ELMOD2: variants seen among roughly 807,000 people sequenced by gnomAD.
ELMOD2 encodes the protein ELMO domain containing 2, also known as ELMO domain-containing protein 2.
Under a neutral mutation model 41.0 loss-of-function variants are expected in ELMOD2, and 28 were observed. The ratio of observed to expected loss-of-function variants is 0.68; its 90% CI spans 0.51 to 0.94. The LOEUF (loss-of-function observed/expected upper bound fraction) is 0.94, where lower values mean the gene tolerates loss of function less well. ELMOD2 is among the 40% of genes least tolerant of loss of function. ELMOD2 has a pLI of 0.00. For missense variants in ELMOD2, 333 were observed against 343.1 expected, an observed-to-expected ratio of 0.97 and a Z score of 0.23; for synonymous variants, 106 against 107.2, an observed-to-expected ratio of 0.99 and a Z score of 0.07.
At chr4:140,541,327 G>T (rs535491835) in intron 6 of ELMOD2, among the ~76,000 whole-genome samples, 16 of 152,088 alleles carry the variant, frequency 1.1e-4, no homozygotes, top group Non-Finnish European at 1.6e-4. Flanking sequence ...AATATTGATG[G>T]TTTTTTTAAT....
intron 2 of ELMOD2, 141 bp from the exon 3 acceptor site, chr4:140,527,325 T>A: frequency 2.8e-6 from 2 of 724,918 alleles, no homozygotes; most frequent in South Asian, 3.4e-5. Flanking sequence ...AATTTTAAAA[T>A]GCTTCCTGTT....
intron 3 of ELMOD2, among the ~76,000 whole-genome samples, chr4:140,532,831 A>G (rs138348095): frequency 1.8e-3 from 270 of 152,370 alleles, no homozygotes; most frequent in African/African-American, 6.1e-3. Context: ...AATAAATTAT[A>G]TTAACAGATG....
intron 3 of ELMOD2, among the ~76,000 whole-genome samples, chr4:140,529,050 A>G (rs1183888588): frequency 6.6e-6 from 1 of 152,350 alleles, no homozygotes; most frequent in East Asian, 1.9e-4. Context: ...TTACAAGAGT[A>G]GTCCTTAAAC....
rs187979465 is a variant in ELMOD2, at chr4:140,528,936, A to G, written c.171+1442A>G. Among the ~76,000 whole-genome samples the G allele has an allele frequency of 3.9e-5, 6 of 152,318 alleles. No homozygotes were observed. The East Asian group carries it at 1.2e-3, about 29-fold the overall frequency. ...CTCAAAATTTATTTATACCTTATTT[A>G]TTTGTATAGTTCCTTTATTTGAAAC... On this transcript the variant is annotated intron_variant, in intron 3 of 8. Coordinates refer to ENST00000323570, the MANE Select transcript of ELMOD2 (RefSeq NM_153702.4).
intron 6 of ELMOD2, 58 bp from the exon 7 acceptor site, chr4:140,542,515 TG>T: frequency 2.3e-6 from 3 of 1,314,390 alleles, no homozygotes; most frequent in Non-Finnish European, 3.2e-6. Flanking sequence ...AAATTGGTTC[TG>T]GATATCTTAC....
At chr4:140,524,771 AT>A in intron 1 of ELMOD2, 1 of 404,434 alleles carries the variant, frequency 2.5e-6, no homozygotes. Flanking sequence ...AAGCTGAAGA[AT>A]TTTCTTATGG....
intron 8 of ELMOD2, among the ~76,000 whole-genome samples, chr4:140,544,309 T>C (rs1013893243): frequency 6.6e-6 from 1 of 152,124 alleles, no homozygotes; most frequent in Non-Finnish European, 1.5e-5. Flanking sequence ...GTTGAAAATA[T>C]CCATGTCTCC....
intron 8 of ELMOD2, among the ~76,000 whole-genome samples, chr4:140,549,226 A>G (rs1341151588): frequency 2.0e-5 from 3 of 152,122 alleles, no homozygotes; most frequent in Non-Finnish European, 4.4e-5. Context: ...TTATTTTTTA[A>G]AAATTGACAT....
chr4:140,526,657 G>A (rs1578753828), intron 2 of ELMOD2: 1 of 152,194 alleles, frequency 6.6e-6, no homozygotes, highest in South Asian at 2.1e-4. Flanking sequence ...CTGCCTCATA[G>A]CAGCTGGTTG....
chr4:140,547,622 C>A (rs1207434427), intron 8 of ELMOD2, among the ~76,000 whole-genome samples: 1 of 152,076 alleles, frequency 6.6e-6, no homozygotes, highest in Admixed American at 6.6e-5. Flanking sequence ...ATAGAATTTA[C>A]CCATCTTAAA....
At chr4:140,549,307 T>C (rs1208718819) in intron 8 of ELMOD2, among the ~76,000 whole-genome samples, 3 of 152,080 alleles carry the variant, frequency 2.0e-5, no homozygotes, top group Non-Finnish European at 2.9e-5. Context: ...TACTTGTTGA[T>C]AGATATTTTG....
At chr4:140,550,071 T>C (rs1396858844) in intron 8 of ELMOD2, among the ~76,000 whole-genome samples, 159 bp from the exon 9 acceptor site, 1 of 152,228 alleles carries the variant, frequency 6.6e-6, no homozygotes, top group African/African-American at 2.4e-5. Flanking sequence ...TTATTAAGTC[T>C]TATTAAGTCC....
chr4:140,550,427 T>G lies in ELMOD2; in HGVS notation c.*52T>G, dbSNP rs1407633284. ...CCACATTTTGCACATTCAACAGAATTTATATGTTGTAATAGGAATTATCTG... is the reference window on the plus strand; with the variant it reads ...CCACATTTTGCACATTCAACAGAATGTATATGTTGTAATAGGAATTATCTG... On this transcript the variant is annotated 3_prime_UTR_variant, in exon 9 of 9. Coordinates refer to ENST00000323570, the MANE Select transcript of ELMOD2 (RefSeq NM_153702.4). 1.3e-6 allele frequency: 2 copies of G among 1,499,684 alleles called. No individual in the cohort carries two copies. The highest frequency in any genetic ancestry group is 2.8e-5 in the African/African-American group (2 of 71,072). The allele number at this position is 1,499,684 out of a possible 1,614,324, so 92.9% of individuals were successfully genotyped here.
chr4:140,540,383 T>C, intron 6 of ELMOD2, 82 bp downstream of exon 6: 3 of 1,474,490 alleles, frequency 2.0e-6, no homozygotes, highest in Non-Finnish European at 2.8e-6. Flanking sequence ...TAAGAAGTGA[T>C]CTAGTTGATT....
chr4:140,534,975 G>A (rs755411449), intron 3 of ELMOD2, among the ~76,000 whole-genome samples: 1 of 152,152 alleles, frequency 6.6e-6, no homozygotes, highest in Non-Finnish European at 1.5e-5. Flanking sequence ...CCTTTTACCA[G>A]TGCTGGTATT....
At chr4:140,531,197 A>G (rs945450988) in intron 3 of ELMOD2, among the ~76,000 whole-genome samples, 3 of 152,212 alleles carry the variant, frequency 2.0e-5, no homozygotes, top group Non-Finnish European at 2.9e-5. Context: ...ATTTTAATCT[A>G]TTCAGAGTGA....
chr4:140,525,956 A>G (rs1734549954), intron 2 of ELMOD2, among the ~76,000 whole-genome samples: 1 of 152,136 alleles, frequency 6.6e-6, no homozygotes, highest in Non-Finnish European at 1.5e-5. Flanking sequence ...TCAGTCTTTT[A>G]CTTTCTTACT....
At chr4:140,548,662 T>C (rs1017216567) in intron 8 of ELMOD2, among the ~76,000 whole-genome samples, 2 of 152,142 alleles carry the variant, frequency 1.3e-5, no homozygotes, top group African/African-American at 4.8e-5. Flanking sequence ...GGGCACATCA[T>C]TTAACTTCTC....
At chr4:140,532,804 CATA>C (rs1358231587) in intron 3 of ELMOD2, among the ~76,000 whole-genome samples, 2 of 152,096 alleles carry the variant, frequency 1.3e-5, no homozygotes, top group South Asian at 2.1e-4. Flanking sequence ...CAATATAAGA[CATA>C]ATGATTGGAA....
Sources: gnomAD v4.1 joint callset for allele counts (sites outside exome capture counted in the v4.1 genomes callset) on GRCh38, gnomAD v4.1.1 for gene constraint, MANE v1.5 for transcripts, NCBI Gene and HGNC (gene_info 2026-07-23, HGNC 2026-07-21) for gene names.